Variants in SPTLC1 observed in about 807,000 individuals in gnomAD.
SPTLC1 encodes serine palmitoyltransferase long chain base subunit 1, also known as serine palmitoyltransferase 1.
A neutral mutation model predicts 68.9 loss-of-function variants in SPTLC1; 55 were observed. The ratio of observed to expected loss-of-function variants is 0.80; its 90% CI spans 0.64 to 1.00. SPTLC1 has a LOEUF of 1.00. Among genes scored for constraint, SPTLC1 ranks in the 50% least tolerant of loss-of-function variants. The pLI is 0.00. For synonymous variants in SPTLC1, 197 were observed against 201.6 expected, an observed-to-expected ratio of 0.98 and a Z score of 0.19; for missense variants, 449 against 573.1, an observed-to-expected ratio of 0.78 and a Z score of 2.21.
intron 9 of SPTLC1, among the ~76,000 whole-genome samples, chr9:92,048,124 C>T (rs1833583634): frequency 6.6e-6 from 1 of 152,154 alleles, no homozygotes; most frequent in African/African-American, 2.4e-5. Flanking sequence ...GTTTTGAGCA[C>T]TTTATTCTTG....
intron 3 of SPTLC1, among the ~76,000 whole-genome samples, chr9:92,084,042 T>C (rs1296818911): frequency 6.6e-6 from 1 of 152,098 alleles, no homozygotes; most frequent in Non-Finnish European, 1.5e-5. Context: ...GCTCTCTGTT[T>C]GTCTGTTATT....
intron 3 of SPTLC1, among the ~76,000 whole-genome samples, chr9:92,097,107 A>G (rs1835553453): frequency 6.6e-6 from 1 of 152,258 alleles, no homozygotes; most frequent in Non-Finnish European, 1.5e-5. Flanking sequence ...AATGCAAATT[A>G]AAACCATAAG....
Position 92,055,396 on chromosome 9 carries a change from G to A in SPTLC1, c.780+9C>T. ...AATATTAAAATTACAGCTGAACATGGTTGCTTACCAATTCTGGAAGAGGAC... is the reference window on the plus strand; with the variant it reads ...AATATTAAAATTACAGCTGAACATGATTGCTTACCAATTCTGGAAGAGGAC... On this transcript the variant is annotated intron_variant, in intron 8 of 14. Transcript: ENST00000262554. The A allele has an allele frequency of 1.2e-6, 2 of 1,612,750 alleles. No individual in the cohort carries two copies. The highest frequency in any genetic ancestry group is 1.7e-6 in the Non-Finnish European group (2 of 1,179,980).
chr9:92,054,805 C>T (rs150657694), intron 8 of SPTLC1, among the ~76,000 whole-genome samples: 7,880 of 152,010 alleles, frequency 0.052, 267 homozygotes, highest in Middle Eastern at 0.065. Context: ...TCCAGCTACT[C>T]GGGAGGCTGA....
intron 12 of SPTLC1, among the ~76,000 whole-genome samples, chr9:92,039,975 T>A (rs1833283494): frequency 6.6e-6 from 1 of 152,232 alleles, no homozygotes; most frequent in Non-Finnish European, 1.5e-5. Flanking sequence ...AACTAAGCAA[T>A]ACACTTTGAA....
intron 14 of SPTLC1, 40 bp from the exon 15 acceptor site, chr9:92,032,598 C>A (rs775640016): frequency 1.2e-6 from 2 of 1,613,438 alleles, no homozygotes; most frequent in Admixed American, 3.3e-5. Flanking sequence ...TCTTTGTGGG[C>A]CAGGCGCAGT....
At chr9:92,105,424 G>T in intron 3 of SPTLC1, 1 of 1,458,018 alleles carries the variant, frequency 6.9e-7, no homozygotes, top group South Asian at 1.2e-5. Context: ...AGAGACAGCA[G>T]GGCAGGCGTG....
At chr9:92,083,140 G>C (rs980147762) in intron 3 of SPTLC1, among the ~76,000 whole-genome samples, 3 of 151,600 alleles carry the variant, frequency 2.0e-5, no homozygotes, top group African/African-American at 4.8e-5. Flanking sequence ...CTGGATATTA[G>C]CCCTTTGTCA....
intron 2 of SPTLC1, 26 bp from the exon 3 acceptor site, chr9:92,108,860 C>T (rs571548421): frequency 9.5e-6 from 15 of 1,573,560 alleles, no homozygotes; most frequent in Non-Finnish European, 1.2e-5. Flanking sequence ...AATTAAAATA[C>T]AGTGCAGTGC....
At chr9:92,045,281 A>G (rs918954050) in intron 12 of SPTLC1, among the ~76,000 whole-genome samples, 2 of 151,716 alleles carry the variant, frequency 1.3e-5, no homozygotes, top group African/African-American at 4.8e-5. Flanking sequence ...AAAAAGAAAG[A>G]CCTCGGGCAA....
chr9:92,079,584 T>C (rs768971611), intron 5 of SPTLC1: 3 of 1,599,250 alleles, frequency 1.9e-6, no homozygotes, highest in Admixed American at 1.7e-5. Context: ...GATAAAAAAC[T>C]ACACTGTTTA....
At chr9:92,094,243 G>T (rs138275085) in intron 3 of SPTLC1, among the ~76,000 whole-genome samples, 1 of 152,312 alleles carries the variant, frequency 6.6e-6, no homozygotes, top group Non-Finnish European at 1.5e-5. Context: ...TAGAGAAGAG[G>T]TTTATTGTAT....
intron 1 of SPTLC1, 192 bp downstream of exon 1, chr9:92,115,122 C>A: frequency 1.7e-6 from 1 of 581,338 alleles, no homozygotes; most frequent in Non-Finnish European, 3.1e-6. Flanking sequence ...TCCCAGCCCC[C>A]GCCCCCGCCC....
At chr9:92,078,651 C>G (rs1834766645) in intron 5 of SPTLC1, among the ~76,000 whole-genome samples, 1 of 152,198 alleles carries the variant, frequency 6.6e-6, no homozygotes, top group African/African-American at 2.4e-5. Context: ...CACGGGGTCT[C>G]ACTACATTGC....
chr9:92,069,915 C>T (rs1402587256), intron 5 of SPTLC1, among the ~76,000 whole-genome samples: 1 of 152,188 alleles, frequency 6.6e-6, no homozygotes, highest in African/African-American at 2.4e-5. Flanking sequence ...ATTCTGTAGA[C>T]TTCTTAGCTC....
At chr9:92,034,911 A>C (rs748736491) in intron 13 of SPTLC1, 28 bp from the exon 14 acceptor site, 268 of 1,583,738 alleles carry the variant, frequency 1.7e-4, no homozygotes, top group Non-Finnish European at 2.2e-4. Context: ...AGACATCTGC[A>C]ACCTGGACTT....
Position 92,059,098 on chromosome 9 carries a change from T to C in SPTLC1, c.690+81A>G, listed in dbSNP as rs1833997025. The C allele has an allele frequency of 9.1e-6, 14 of 1,537,014 alleles. No homozygotes were observed. The South Asian group carries it at 1.4e-4, about 15-fold the overall frequency. On this transcript the variant is annotated intron_variant, in intron 7 of 14. Transcript: ENST00000262554. ...AATGTGATCCACAGGCAAGTTTTCA[T>C]GACAAATTACCATTTCATATATAAT...
rs548744254 is a variant in SPTLC1 at position 92,034,951 on chromosome 9, C to T, written c.1255-68G>A. On this transcript the variant is annotated intron_variant, in intron 13 of 14. Transcript: ENST00000262554. ...CATGGTGGTAATTAAACTGGGGGAA[C>T]GCTGAAATCCTGCAACGGTAGCTTT... The T allele has an allele frequency of 3.6e-5, 45 of 1,263,222 alleles. No homozygotes were observed. The East Asian group carries it at 3.7e-4, about 10-fold the overall frequency. The allele number at this position is 1,263,222 out of a possible 1,614,324, so 78.3% of individuals were successfully genotyped here.
In SPTLC1 at chr9:92,047,665, A is replaced by G; in HGVS notation, c.932T>C (p.Leu311Pro). ...ACAGCAGAAACCTCCAATAGAAGCA[A>G]GTGCATTCTCCATGTTGGCACTGAT... Reference protein sequence around the residue: ...DLISANMENALASIGGFCCGR... With the variant: ...DLISANMENAPASIGGFCCGR... Residue 311 changes from leucine to proline, a missense_variant, in exon 10 of 15, where the codon CTT becomes CCT. By Grantham distance (98) the Leu-to-Pro change is moderately conservative (BLOSUM62 -3). Coordinates refer to ENST00000262554, the MANE Select transcript of SPTLC1 (RefSeq NM_006415.4). The G allele has an allele frequency of 6.2e-7, 1 of 1,613,930 alleles. No homozygotes were observed. The highest frequency in any genetic ancestry group is 1.1e-5 in the South Asian group (1 of 91,044).
Sources: gnomAD v4.1 joint callset for allele counts (sites outside exome capture counted in the v4.1 genomes callset) on GRCh38, gnomAD v4.1.1 for gene constraint, MANE v1.5 for transcripts, NCBI Gene and HGNC (gene_info 2026-07-23, HGNC 2026-07-21) for gene names.